RABGEF1: variants seen among roughly 807,000 people sequenced by gnomAD.
RABGEF1 encodes the protein RAB guanine nucleotide exchange factor 1.
Under a neutral mutation model 57.3 loss-of-function variants are expected in RABGEF1, and 26 were observed. The observed-to-expected ratio is 0.45, with a 90% confidence interval of 0.33 to 0.63. RABGEF1 has a LOEUF of 0.63. Among genes scored for constraint, RABGEF1 ranks in the 20% least tolerant of loss-of-function variants. The pLI, the probability that RABGEF1 is intolerant of heterozygous loss-of-function variation, is 0.02. For synonymous variants in RABGEF1, 185 were observed against 210.7 expected, an observed-to-expected ratio of 0.88 and a Z score of 1.06; for missense variants, 464 against 607.6, an observed-to-expected ratio of 0.76 and a Z score of 2.48.
chr7:66,685,622 C>T (rs1274595923), intron 1 of RABGEF1, among the ~76,000 whole-genome samples: 1 of 152,160 alleles, frequency 6.6e-6, no homozygotes, highest in Non-Finnish European at 1.5e-5. Flanking sequence ...ATTCTCAACC[C>T]CAGTTGGGCA....
At chr7:66,702,126 A>G (rs541594185) in intron 1 of RABGEF1, among the ~76,000 whole-genome samples, 12 of 152,306 alleles carry the variant, frequency 7.9e-5, no homozygotes, top group African/African-American at 2.9e-4. Flanking sequence ...GCCTATTTGG[A>G]TATTCATATT....
At chr7:66,682,872 G>T (rs1789992040) in intron 1 of RABGEF1, among the ~76,000 whole-genome samples, 1 of 152,236 alleles carries the variant, frequency 6.6e-6, no homozygotes, top group Non-Finnish European at 1.5e-5. Flanking sequence ...CCGTCTGGGA[G>T]GAGAGCCGGG....
chr7:66,764,997 T>A (rs1805345544), intron 1 of RABGEF1, among the ~76,000 whole-genome samples: 1 of 152,150 alleles, frequency 6.6e-6, no homozygotes, highest in Non-Finnish European at 1.5e-5. Context: ...CATCTAGATA[T>A]CTAGCATAGT....
chr7:66,674,192 CT>C, the RABGEF1 span, among the ~76,000 whole-genome samples: 238 of 139,150 alleles, frequency 1.7e-3, 2 homozygotes, highest in Middle Eastern at 7.1e-3. Flanking sequence ...CCACTAAAGG[CT>C]TTTTTTTTTT....
At chr7:66,730,538 T>C (rs1797189575) in intron 2 of RABGEF1, among the ~76,000 whole-genome samples, 1 of 151,584 alleles carries the variant, frequency 6.6e-6, no homozygotes. Flanking sequence ...CATTCACATA[T>C]AGCACTTGGT....
chr7:66,797,428 C>T lies in RABGEF1; in HGVS notation c.650C>T (p.Thr217Ile). Residue 217 changes from threonine to isoleucine, a missense_variant, in exon 6 of 9, where the codon ACT (threonine) becomes ATT (isoleucine). By Grantham distance (89) the Thr-to-Ile change is moderately conservative (BLOSUM62 -1). Transcript: ENST00000284957. ...GATCAGATTGAAAAGTACATCATGA[C>T]TCGTCTCTATAAATATGTATTCTGT... is the stretch of plus-strand genomic sequence containing the variant. ...IMDQIEKYIM[T>I]RLYKYVFCPE... The T allele has an allele frequency of 1.2e-6, 2 of 1,611,422 alleles. No individual in the cohort carries two copies. The highest frequency in any genetic ancestry group is 1.7e-6 in the Non-Finnish European group (2 of 1,179,592).
chr7:66,706,778 G>GTTTT (rs199965735), intron 1 of RABGEF1, among the ~76,000 whole-genome samples: 2 of 120,692 alleles, frequency 1.7e-5, no homozygotes, highest in Non-Finnish European at 3.4e-5. Context: ...TGACATACTG[G>GTTTT]TTTTTTTTTT....
At chr7:66,738,677 C>G (rs944810065), upstream of RABGEF1, among the ~76,000 whole-genome samples, 4 of 149,098 alleles carry the variant, frequency 2.7e-5, no homozygotes, top group Non-Finnish European at 5.9e-5. Context: ...GGCTGGAGTG[C>G]GCCGAGATTG....
intron 1 of RABGEF1, among the ~76,000 whole-genome samples, chr7:66,771,164 A>G (rs1473181255): frequency 4.6e-5 from 7 of 151,816 alleles, no homozygotes; most frequent in Non-Finnish European, 1.0e-4. Context: ...TTTGAGACAG[A>G]GTCTTGCTCT....
At chr7:66,712,353 A>G (rs1381090763) in intron 2 of RABGEF1, 6 of 152,242 alleles carry the variant, frequency 3.9e-5, no homozygotes, top group Admixed American at 2.0e-4. Context: ...TGTTTTATAA[A>G]TAGCAGTTTT....
the RABGEF1 span, among the ~76,000 whole-genome samples, chr7:66,661,611 A>G: frequency 6.6e-6 from 1 of 152,158 alleles, no homozygotes; most frequent in Non-Finnish European, 1.5e-5. Context: ...ACTAGTAAGA[A>G]CATTAAATTA....
At chr7:66,662,355 T>C in the RABGEF1 span, among the ~76,000 whole-genome samples, 1 of 152,202 alleles carries the variant, frequency 6.6e-6, no homozygotes, top group Admixed American at 6.5e-5. Context: ...TGGTTCCAGC[T>C]ACTTGGGAGG....
chr7:66,799,525 G>T lies in RABGEF1; in HGVS notation c.820+111G>T, dbSNP rs530319293. ...AATGCAGATTGTCGAAGGTACATTG[G>T]AATGTAGTAAAAGTGATTTGTAAGA... is the stretch of plus-strand genomic sequence containing the variant. On this transcript the variant is annotated intron_variant, in intron 7 of 8. Transcript: ENST00000284957. 6.8e-5 allele frequency: 59 copies of T among 868,354 alleles called. 1 individual carries two copies. The African/African-American group carries it at 9.4e-4, about 14-fold the overall frequency. 53.8% of individuals were successfully genotyped at this position (868,354 alleles called of 1,614,324 possible).
intron 1 of RABGEF1, among the ~76,000 whole-genome samples, chr7:66,753,484 C>T (rs1215948324): frequency 1.3e-5 from 2 of 152,132 alleles, no homozygotes; most frequent in East Asian, 3.8e-4. Flanking sequence ...GGGTTTGGTT[C>T]TGCACCACTG....
intron 3 of RABGEF1, among the ~76,000 whole-genome samples, 188 bp downstream of exon 3, chr7:66,775,581 TTG>T (rs946321871): frequency 1.3e-5 from 2 of 152,134 alleles, no homozygotes; most frequent in Admixed American, 1.3e-4. Flanking sequence ...TTGAAAGACA[TTG>T]TGTTTTAGAG....
intron 1 of RABGEF1, among the ~76,000 whole-genome samples, chr7:66,687,207 C>A (rs930093367): frequency 2.7e-5 from 4 of 148,384 alleles, no homozygotes; most frequent in Non-Finnish European, 5.9e-5. Flanking sequence ...CTCACTGCAA[C>A]CTCTGCCTCC....
At chr7:66,709,002 A>G (rs941301274) in intron 1 of RABGEF1, among the ~76,000 whole-genome samples, 1 of 149,904 alleles carries the variant, frequency 6.7e-6, no homozygotes, top group African/African-American at 2.4e-5. Flanking sequence ...CAGTAGTATG[A>G]CCTTATTTTA....
At chr7:66,791,972 C>T (rs1202139374) in intron 4 of RABGEF1, among the ~76,000 whole-genome samples, 1 of 151,978 alleles carries the variant, frequency 6.6e-6, no homozygotes, top group East Asian at 1.9e-4. Context: ...ATTAGCTGGG[C>T]GTGGTGGCAC....
At chr7:66,732,326 GC>G (rs1231695075) in intron 2 of RABGEF1, among the ~76,000 whole-genome samples, 1 of 152,232 alleles carries the variant, frequency 6.6e-6, no homozygotes, top group East Asian at 1.9e-4. Context: ...TGCCTCTGGG[GC>G]CAGGGTTGGG....
Sources: gnomAD v4.1 joint callset for allele counts (sites outside exome capture counted in the v4.1 genomes callset) on GRCh38, gnomAD v4.1.1 for gene constraint, MANE v1.5 for transcripts, NCBI Gene and HGNC (gene_info 2026-07-23, HGNC 2026-07-21) for gene names.